The following NRG2 variants were observed in gnomAD, a reference collection of about 807,000 sequenced individuals.
NRG2 encodes neuregulin 2.
In NRG2, 27 loss-of-function variants were observed where a neutral mutation model predicts 73.9. The ratio of observed to expected loss-of-function variants is 0.37; its 90% CI spans 0.27 to 0.50. NRG2 has a LOEUF of 0.50. Ranked by LOEUF, NRG2 falls within the 20% of genes least tolerant of loss-of-function variation. NRG2 has a pLI of 0.96. For synonymous variants in NRG2, 532 were observed against 541.0 expected, an observed-to-expected ratio of 0.98 and a Z score of 0.23; for missense variants, 1,126 against 1,210.1, an observed-to-expected ratio of 0.93 and a Z score of 1.03.
chr5:139,977,475 G>A (rs898172152), intron 1 of NRG2, among the ~76,000 whole-genome samples: 2 of 152,046 alleles, frequency 1.3e-5, no homozygotes, highest in African/African-American at 4.8e-5. Context: ...AGGCGTCAAG[G>A]TATGGGTAGG....
At chr5:139,989,938 A>ACCTG (rs1561733837) in intron 1 of NRG2, among the ~76,000 whole-genome samples, 3 of 149,368 alleles carry the variant, frequency 2.0e-5, no homozygotes, top group African/African-American at 7.4e-5. Flanking sequence ...ACAGGTGCCC[A>ACCTG]CCACCACGCC....
intron 5 of NRG2, among the ~76,000 whole-genome samples, chr5:139,863,802 C>A (rs1762302545): frequency 1.3e-5 from 2 of 152,224 alleles, no homozygotes; most frequent in Non-Finnish European, 1.5e-5. Context: ...CTCTGCCCTT[C>A]CTCCTTGGCC....
At chr5:139,902,746 G>A (rs1246691527) in intron 1 of NRG2, among the ~76,000 whole-genome samples, 2 of 152,122 alleles carry the variant, frequency 1.3e-5, no homozygotes, top group East Asian at 1.9e-4. Context: ...GTGGCTCACT[G>A]AACCAAATCC....
intron 3 of NRG2, among the ~76,000 whole-genome samples, chr5:139,872,639 A>G (rs59910348): frequency 0.25 from 37,377 of 151,990 alleles, 5,682 homozygotes; most frequent in African/African-American, 0.43. Context: ...AGACAGGGCC[A>G]GGGAAAGGGA....
In NRG2 at chr5:140,040,390, C is replaced by T. The variant is rs147483772; in HGVS notation, c.700+1980G>A. On this transcript the variant is annotated intron_variant, in intron 1 of 9. Coordinates refer to ENST00000361474, the MANE Select transcript of NRG2 (RefSeq NM_004883.3). The stretch of plus-strand genomic sequence containing the variant: ...AGATGATCATAACCTAGAAACAGAC[C>T]ATATTTCTGCCCCTCAAATCTTTCA... Among the ~76,000 whole-genome samples the T allele has an allele frequency of 2.6e-3, 391 of 152,194 alleles. 2 individuals are homozygous for T. Among genetic ancestry groups the T allele is most frequent in the African/African-American group, 9.1e-3 (376 of 41,526 alleles).
chr5:139,909,217 T>C (rs1444375743), intron 1 of NRG2, among the ~76,000 whole-genome samples: 1 of 152,238 alleles, frequency 6.6e-6, no homozygotes, highest in Non-Finnish European at 1.5e-5. Context: ...CATTTTCCCT[T>C]CCACTTTGAG....
At chr5:139,879,555 G>A (rs866586866) in intron 3 of NRG2, among the ~76,000 whole-genome samples, 1 of 152,206 alleles carries the variant, frequency 6.6e-6, no homozygotes, top group South Asian at 2.1e-4. Context: ...AGGAGCAAGA[G>A]TAAGAATGGA....
chr5:140,004,299 A>G (rs1359483953), intron 1 of NRG2, among the ~76,000 whole-genome samples: 4 of 152,162 alleles, frequency 2.6e-5, no homozygotes, highest in African/African-American at 9.7e-5. Flanking sequence ...GGCAGAGGAA[A>G]ACCACCGTCA....
chr5:139,957,350 T>C (rs1403723113), intron 1 of NRG2, among the ~76,000 whole-genome samples: 2 of 132,086 alleles, frequency 1.5e-5, no homozygotes, highest in East Asian at 2.2e-4. Context: ...TGTGTGTGTG[T>C]GTGCACATTC....
chr5:139,888,200 G>A (rs966734472), intron 1 of NRG2, among the ~76,000 whole-genome samples: 2 of 152,120 alleles, frequency 1.3e-5, no homozygotes, highest in Non-Finnish European at 2.9e-5. Context: ...TCGTGCTGAG[G>A]TGTATAACAA....
At chr5:140,030,639 A>T (rs1322681589) in intron 1 of NRG2, among the ~76,000 whole-genome samples, 1 of 152,222 alleles carries the variant, frequency 6.6e-6, no homozygotes, top group Non-Finnish European at 1.5e-5. Flanking sequence ...AGAAACAAAT[A>T]CGGAAAGCTC....
intron 1 of NRG2, among the ~76,000 whole-genome samples, chr5:139,901,315 A>G (rs998527934): frequency 6.6e-5 from 10 of 152,130 alleles, no homozygotes; most frequent in Admixed American, 1.3e-4. Context: ...TATTGTTTGT[A>G]ATGAACCTCG....
In NRG2 at chr5:139,870,448, G is replaced by A. The variant is rs1762766883; in HGVS notation, c.1112+1273C>T. 6.6e-6 allele frequency among the ~76,000 whole-genome samples: 1 copy of A among 152,214 alleles called. No individual in the cohort carries two copies. The highest frequency in any genetic ancestry group is 6.5e-5 in the Admixed American group (1 of 15,290). ...TTGTTAGGTGGAGGGGTCTTGAAAA[G>A]TCCTGGCCTTCTCAGACCAGGCTCA... On this transcript the variant is annotated intron_variant, in intron 4 of 9. Transcript: ENST00000361474. This position sits in a 1 kb window ranked among gnomAD's most constrained non-coding sequence, Gnocchi z 4.4.
chr5:139,879,279 A>T (rs1410091758), intron 3 of NRG2, among the ~76,000 whole-genome samples: 2 of 152,164 alleles, frequency 1.3e-5, no homozygotes, highest in Admixed American at 1.3e-4. Flanking sequence ...CAGCAATAGC[A>T]TGAGAGTTGA....
At chr5:139,991,570 A>AT (rs1757635074) in intron 1 of NRG2, among the ~76,000 whole-genome samples, 1 of 151,880 alleles carries the variant, frequency 6.6e-6, no homozygotes, top group African/African-American at 2.4e-5. Context: ...TGATTTTTGT[A>AT]TTTTTTAGTA....
chr5:139,951,612 A>G (rs1179459777), intron 1 of NRG2, among the ~76,000 whole-genome samples: 1 of 152,152 alleles, frequency 6.6e-6, no homozygotes, highest in Admixed American at 6.5e-5. Context: ...TCCCACAGCC[A>G]TGGAAAGCTC....
chr5:139,889,862 TA>T (rs1764095131), intron 1 of NRG2, among the ~76,000 whole-genome samples: 1 of 152,212 alleles, frequency 6.6e-6, no homozygotes, highest in Admixed American at 6.5e-5. Context: ...AGATAAATAA[TA>T]GCTCTTACCT....
At chr5:139,965,154 C>G (rs1425602528) in intron 1 of NRG2, among the ~76,000 whole-genome samples, 1 of 152,224 alleles carries the variant, frequency 6.6e-6, no homozygotes, top group African/African-American at 2.4e-5. Flanking sequence ...CGACAGCAAC[C>G]TCCTCCCACC....
At chr5:140,038,961 A>T (rs549638064) in intron 1 of NRG2, among the ~76,000 whole-genome samples, 2 of 152,370 alleles carry the variant, frequency 1.3e-5, no homozygotes, top group African/African-American at 2.4e-5. Context: ...TTTAAAAAAT[A>T]TGTAGTCGCT....
Sources: allele counts gnomAD v4.1 joint callset (sites outside exome capture counted in the v4.1 genomes callset), GRCh38; gene constraint gnomAD v4.1.1; non-coding constraint Gnocchi (gnomAD v3.1); transcripts MANE v1.5; gene names NCBI Gene and HGNC (gene_info 2026-07-23, HGNC 2026-07-21).